FMR1: variants seen among roughly 807,000 people sequenced by gnomAD.
FMR1 encodes the protein FMRP translational regulator 1.
Under a neutral mutation model 50.6 loss-of-function variants are expected in FMR1, and 13 were observed. The ratio of observed to expected loss-of-function variants is 0.26; its 90% CI spans 0.17 to 0.41. FMR1 has a LOEUF of 0.41. Among genes scored for constraint, FMR1 ranks in the 10% least tolerant of loss-of-function variants. The pLI is 1.00. For missense variants in FMR1, 316 were observed against 491.3 expected, an observed-to-expected ratio of 0.64 and a Z score of 3.37; for synonymous variants, 138 against 164.1, an observed-to-expected ratio of 0.84 and a Z score of 1.22.
In FMR1 at chrX:147,950,183, C is replaced by T. The variant is rs2044287383; in HGVS notation, c.*1339C>T. 1 of 325,907 alleles carries T rather than the reference C, an allele frequency of 3.1e-6. No individual in the cohort carries two copies. Among genetic ancestry groups the T allele is most frequent in the Non-Finnish European group, 5.9e-6 (1 of 169,197 alleles). The allele number at this position is 325,907 out of a possible 1,213,427, so 26.9% of individuals were successfully genotyped here. A position where few individuals can be genotyped will look rare whatever the true frequency, so the allele number is the denominator to read the frequency against. ...AAAGTAACTCCTAGTAGGGGTACCA[C>T]TGAATCTGTACAGAGCCGTAAAAAC... On this transcript the variant is annotated 3_prime_UTR_variant, in exon 17 of 17. Transcript: ENST00000370475.
Position 147,922,430 on chromosome X carries a change from AT to A in FMR1, c.104+453del, listed in dbSNP as rs782193161. Among the ~76,000 whole-genome samples the A allele has an allele frequency of 4.5e-5, 5 of 111,486 alleles. No individual in the cohort carries two copies. The East Asian group carries it at 8.4e-4, about 19-fold the overall frequency. On this transcript the variant is annotated intron_variant, in intron 2 of 16. Transcript: ENST00000370475. The stretch of plus-strand genomic sequence containing the variant: ...AACAGTCATGTTTACCTATTATCTG[AT>A]TTTTTTTAATGTTTCATATGTTCAG...
intron 1 of FMR1, among the ~76,000 whole-genome samples, chrX:147,916,793 AGTG>A (rs1362215091): frequency 1.8e-5 from 2 of 110,666 alleles, no homozygotes; most frequent in African/African-American, 6.6e-5. Context: ...GTTGGAGTGC[AGTG>A]GTGGGATCTC....
chrX:147,937,648 A>C, intron 11 of FMR1, 48 bp downstream of exon 11: 1 of 641,488 alleles, frequency 1.6e-6, no homozygotes, highest in Non-Finnish European at 2.7e-6. Context: ...AATTTGTCTC[A>C]GATGTCACAA....
chrX:147,948,515 A>G (rs1241131276), intron 16 of FMR1, 168 bp from the exon 17 acceptor site: 1 of 1,098,707 alleles, frequency 9.1e-7, no homozygotes, highest in African/African-American at 1.9e-5. Context: ...ATCATAAACC[A>G]AATAAAGAAT....
At chrX:147,938,992 A>G (rs2043885028) in intron 12 of FMR1, among the ~76,000 whole-genome samples, 1 of 112,077 alleles carries the variant, frequency 8.9e-6, no homozygotes, top group African/African-American at 3.2e-5. Context: ...GCAAGAAAAG[A>G]TATTCGTAAA....
At chrX:147,939,290 C>G (rs985702858) in intron 12 of FMR1, among the ~76,000 whole-genome samples, 15 of 109,712 alleles carry the variant, frequency 1.4e-4, no homozygotes, top group African/African-American at 5.0e-4. Context: ...TATATATGGG[C>G]TAGGAGTACA....
rs1490888144 is a variant in FMR1 at position 147,912,072 on chromosome X, C to CGGCGGCGGA, written c.-99_-91dup. 4 of 299,430 alleles carry CGGCGGCGGA rather than the reference C, an allele frequency of 1.3e-5. No individual in the cohort carries two copies. Among genetic ancestry groups the CGGCGGCGGA allele is most frequent in the Non-Finnish European group, 1.7e-5 (4 of 228,880 alleles). The allele number at this position is 299,430 out of a possible 1,213,427, so 24.7% of individuals were successfully genotyped here. ...AGCGCGGCGGCGGCGGCGGCGGCGG[C>CGGCGGCGGA]GGCGGCGGAGGCGGCGGCGGCGGCG... On this transcript the variant is annotated 5_prime_UTR_variant, in exon 1 of 17. Transcript: ENST00000370475.
intron 14 of FMR1, 177 bp downstream of exon 14, chrX:147,943,503 A>G (rs1328616033): frequency 4.3e-6 from 2 of 461,106 alleles, no homozygotes; most frequent in Non-Finnish European, 7.6e-6. Flanking sequence ...AAACACGTAG[A>G]GTTCACAGGG....
rs868953345 is a variant in FMR1 at position 147,943,233 on chromosome X, A to T, written c.1378A>T (p.Ser460Cys). Reference sequence around the variant, plus strand: ...ACCAAATCGTACAGATAAGGAAAAAAGCTATGTGACTGATGATGGTCAAGG... The same window carrying T: ...ACCAAATCGTACAGATAAGGAAAAATGCTATGTGACTGATGATGGTCAAGG... ...PPPNRTDKEK[S>C]YVTDDGQGMG... Residue 460 changes from serine to cysteine, a missense_variant, in exon 14 of 17, where the codon AGC (serine) becomes TGC (cysteine). This residue lies in a region of FMR1 where 124 missense variants were observed against 160.8 expected (regional missense o/e 0.77). Transcript: ENST00000370475. 2 of 1,210,837 alleles carry T rather than the reference A, an allele frequency of 1.7e-6. No homozygotes were observed. Among genetic ancestry groups the T allele is most frequent in the Non-Finnish European group, 2.2e-6 (2 of 894,726 alleles).
chrX:147,948,368 T>C, intron 16 of FMR1: 1 of 756,345 alleles, frequency 1.3e-6, no homozygotes, highest in Non-Finnish European at 1.7e-6. Flanking sequence ...TCAGTAATAG[T>C]AATTCATTTT....
chrX:147,922,284 T>C (rs937491161), intron 2 of FMR1, among the ~76,000 whole-genome samples: 3 of 111,833 alleles, frequency 2.7e-5, no homozygotes. Flanking sequence ...CATAGGAGTA[T>C]TTGTAAATTT....
intron 9 of FMR1, chrX:147,933,595 A>T (rs2043682809): frequency 8.0e-6 from 7 of 871,513 alleles, no homozygotes; most frequent in Non-Finnish European, 8.5e-6. Context: ...AATGCTGCAG[A>T]TATCTTTAGT....
chrX:147,922,338 T>C (rs29295), intron 2 of FMR1, among the ~76,000 whole-genome samples: 2,875 of 111,724 alleles, frequency 0.026, 102 homozygotes, highest in African/African-American at 0.089. Context: ...TGCTAAAAAG[T>C]TGTATGTGAG....
chrX:147,944,490 T>TA, intron 14 of FMR1: 1 of 754,137 alleles, frequency 1.3e-6, no homozygotes, highest in Non-Finnish European at 1.6e-6. Flanking sequence ...AGCTCTCTTT[T>TA]TAGAGGTTTT....
intron 9 of FMR1, among the ~76,000 whole-genome samples, chrX:147,933,103 G>A (rs1464085578): frequency 2.3e-5 from 2 of 88,534 alleles, no homozygotes; most frequent in African/African-American, 4.5e-5. Context: ...GTGTCCATGT[G>A]TTCTCATTGT....
intron 5 of FMR1, among the ~76,000 whole-genome samples, chrX:147,929,079 C>G (rs782479597): frequency 8.9e-6 from 1 of 112,120 alleles, no homozygotes; most frequent in African/African-American, 3.2e-5. Context: ...TCTAAACTAA[C>G]TTTGTTCATT....
At chrX:147,931,330 G>A (rs1444069451) in intron 7 of FMR1, among the ~76,000 whole-genome samples, 4 of 111,662 alleles carry the variant, frequency 3.6e-5, no homozygotes, top group Admixed American at 9.5e-5. Flanking sequence ...GAAAAAGAAC[G>A]AACCAGATTA....
At chrX:147,947,756 C>T (rs1280269774) in intron 16 of FMR1, among the ~76,000 whole-genome samples, 5 of 110,338 alleles carry the variant, frequency 4.5e-5, no homozygotes, top group Admixed American at 1.9e-4. Flanking sequence ...TCCTTGGTAA[C>T]GAGACATTTA....
At chrX:147,938,192 T>C in intron 12 of FMR1, 31 bp downstream of exon 12, 1 of 1,057,118 alleles carries the variant, frequency 9.5e-7, no homozygotes. Context: ...AAATACACTT[T>C]CAGTTTATAT....
Sources: allele counts gnomAD v4.1 joint callset (sites outside exome capture counted in the v4.1 genomes callset), GRCh38; gene constraint gnomAD v4.1.1; regional missense constraint gnomAD v4.1.1; transcripts MANE v1.5; gene names NCBI Gene and HGNC (gene_info 2026-07-23, HGNC 2026-07-21).